CELF5: variants seen among roughly 807,000 people sequenced by gnomAD.
The protein encoded by CELF5 is CUG-BP and ETR-3 like factor 5.
A neutral mutation model predicts 54.9 loss-of-function variants in CELF5; 6 were observed. The ratio of observed to expected loss-of-function variants is 0.11; its 90% CI spans 0.06 to 0.22. The LOEUF is 0.22. Among genes scored for constraint, CELF5 ranks in the 10% least tolerant of loss-of-function variants. The pLI, the probability that CELF5 is intolerant of heterozygous loss-of-function variation, is 1.00. For missense variants in CELF5, 401 were observed against 678.6 expected, an observed-to-expected ratio of 0.59 and a Z score of 4.54; for synonymous variants, 271 against 290.9, an observed-to-expected ratio of 0.93 and a Z score of 0.70.
intron 2 of CELF5, among the ~76,000 whole-genome samples, chr19:3,251,612 A>G (rs1184747776): frequency 7.0e-6 from 1 of 142,102 alleles, no homozygotes; most frequent in Non-Finnish European, 1.5e-5. Context: ...GCTTGTCTTT[A>G]TGGTGCAAAC....
chr19:3,245,698 C>A (rs1206764967), intron 1 of CELF5, among the ~76,000 whole-genome samples: 1 of 151,950 alleles, frequency 6.6e-6, no homozygotes, highest in Non-Finnish European at 1.5e-5. Context: ...TAGTGTAGTT[C>A]TTTTGAAGAG....
At chr19:3,243,904 C>T (rs2079525852) in intron 1 of CELF5, among the ~76,000 whole-genome samples, 1 of 151,760 alleles carries the variant, frequency 6.6e-6, no homozygotes, top group African/African-American at 2.4e-5. Flanking sequence ...TATAAGGGCA[C>T]CAGTCTTATT....
At chr19:3,271,861 TG>T (rs201357938) in intron 2 of CELF5, among the ~76,000 whole-genome samples, 2,769 of 152,086 alleles carry the variant, frequency 0.018, 87 homozygotes, top group Admixed American at 0.081. Context: ...GGGGAGACTT[TG>T]GGGGTCCCAA....
chr19:3,290,656 C>T (rs2080329997), intron 11 of CELF5, among the ~76,000 whole-genome samples: 1 of 150,650 alleles, frequency 6.6e-6, no homozygotes. Flanking sequence ...CTCTGCGTCC[C>T]GGGTTCACGC....
intron 2 of CELF5, among the ~76,000 whole-genome samples, chr19:3,266,280 T>C (rs1379614748): frequency 6.6e-6 from 1 of 152,074 alleles, no homozygotes; most frequent in Non-Finnish European, 1.5e-5. Context: ...CAGGGAGAGC[T>C]GCTTCGACTC....
In CELF5 at chr19:3,224,798, G is replaced by C; in HGVS notation, c.59G>C (p.Arg20Pro). 1 of 1,506,460 alleles carries C rather than the reference G, an allele frequency of 6.6e-7. No homozygotes were observed. Among genetic ancestry groups the C allele is most frequent in the Non-Finnish European group, 8.9e-7 (1 of 1,128,274 alleles). The allele number at this position is 1,506,460 out of a possible 1,614,324, so 93.3% of individuals were successfully genotyped here. ...CAGCAGCAGCAGCTCCTGCAGCCGCGGCCCTCGCCCGTGGGCAGCAGCGGG... is the reference window on the plus strand; with the variant it reads ...CAGCAGCAGCAGCTCCTGCAGCCGCCGCCCTCGCCCGTGGGCAGCAGCGGG... Reference protein sequence around the residue: ...RRQQQQLLQPRPSPVGSSGPE... With the variant: ...RRQQQQLLQPPPSPVGSSGPE... The change falls in exon 1 of 13, where the codon CGG (arginine) becomes CCG (proline). Residue 20 changes from arginine to proline, a missense_variant. Physicochemically the swap from Arg to Pro is moderately radical, Grantham distance 103. Coordinates refer to ENST00000292672, the MANE Select transcript of CELF5 (RefSeq NM_021938.4).
chr19:3,250,799 G>A (rs1368926287), intron 1 of CELF5, among the ~76,000 whole-genome samples, 186 bp from the exon 2 acceptor site: 1 of 152,208 alleles, frequency 6.6e-6, no homozygotes, highest in East Asian at 1.9e-4. Flanking sequence ...TGCAGCCTGT[G>A]TCAGAATTTC....
At chr19:3,244,431 GGT>G (rs771205370) in intron 1 of CELF5, among the ~76,000 whole-genome samples, 58 of 150,706 alleles carry the variant, frequency 3.8e-4, no homozygotes, top group Admixed American at 6.0e-4. Flanking sequence ...TGTAGTGTGT[GGT>G]GTGTGCATGC....
Position 3,251,003 on chromosome 19 carries a change from A to C in CELF5, c.278A>C (p.Tyr93Ser). 6.2e-7 allele frequency: 1 copy of C among 1,613,508 alleles called. No homozygotes were observed. The part of the protein sequence containing the change: ...GMHKGCAFLT[Y>S]CARDSAIKAQ... The stretch of plus-strand genomic sequence containing the variant: ...CTTCCAGGCTGTGCCTTCCTCACCT[A>C]CTGTGCCAGGGATTCCGCCATCAAA... Residue 93 changes from tyrosine to serine, a missense_variant, in exon 2 of 13, where the codon TAC (tyrosine) becomes TCC (serine). Tyr to Ser is a moderately radical substitution (Grantham distance 144). This residue lies in a region of CELF5 where 66 missense variants were observed against 132.3 expected (regional missense o/e 0.50). Transcript: ENST00000292672.
In CELF5 at chr19:3,286,095, G is replaced by A; in HGVS notation, c.1186+70G>A. The A allele has an allele frequency of 3.0e-6, 4 of 1,340,514 alleles. No individual in the cohort carries two copies. The South Asian group carries it at 4.5e-5, about 15-fold the overall frequency. The allele number at this position is 1,340,514 out of a possible 1,614,324, so 83.0% of individuals were successfully genotyped here. A position where few individuals can be genotyped will look rare whatever the true frequency, so the allele number is the denominator to read the frequency against. On this transcript the variant is annotated intron_variant, in intron 10 of 12. Transcript: ENST00000292672. Reference sequence around the variant, plus strand: ...CCCGCCCTGTCCACCTGCAGGCTCCGTGTCTGGCCCGGGCCTCTGGGACCC... The same window carrying A: ...CCCGCCCTGTCCACCTGCAGGCTCCATGTCTGGCCCGGGCCTCTGGGACCC...
At chr19:3,254,566 C>T (rs72987058) in intron 2 of CELF5, among the ~76,000 whole-genome samples, 29,203 of 151,082 alleles carry the variant, frequency 0.19, 3,206 homozygotes, top group East Asian at 0.53. Context: ...TCCACCCATC[C>T]ACCCATCAAT....
intron 1 of CELF5, among the ~76,000 whole-genome samples, chr19:3,229,697 T>C (rs1381628952): frequency 1.3e-5 from 2 of 152,198 alleles, no homozygotes; most frequent in African/African-American, 2.4e-5. Flanking sequence ...GCTGTTGGCA[T>C]GGGGCCGGGC....
Position 3,244,930 on chromosome 19 carries a change from TGTGTGTG to T in CELF5, c.260-6040_260-6034del, listed in dbSNP as rs563666885. The stretch of plus-strand genomic sequence containing the variant: ...TGGTGTGTGCATACATCTGTACGTG[TGTGTGTG>T]GTGTGTGGTGTGTGCATGCATCTTG... On this transcript the variant is annotated intron_variant, in intron 1 of 12. Coordinates refer to ENST00000292672, the MANE Select transcript of CELF5 (RefSeq NM_021938.4). 6.2e-3 allele frequency among the ~76,000 whole-genome samples: 921 copies of T among 148,272 alleles called. 4 individuals carry two copies. Among genetic ancestry groups the T allele is most frequent in the African/African-American group, 0.022 (864 of 39,914 alleles).
chr19:3,272,962 A>AT (rs879495470), intron 2 of CELF5, among the ~76,000 whole-genome samples: 120 of 151,292 alleles, frequency 7.9e-4, no homozygotes, highest in Middle Eastern at 3.4e-3. Context: ...GCCAGTGAGA[A>AT]TTTTTTTTTC....
chr19:3,248,913 T>TC (rs2079608468), intron 1 of CELF5, among the ~76,000 whole-genome samples: 3 of 105,414 alleles, frequency 2.8e-5, no homozygotes, highest in African/African-American at 1.1e-4. Context: ...TTCCTTTCTT[T>TC]CTTTCTTTCT....
intron 5 of CELF5, among the ~76,000 whole-genome samples, chr19:3,280,570 C>T (rs1351386658): frequency 3.3e-5 from 5 of 152,128 alleles, no homozygotes; most frequent in Admixed American, 6.6e-5. Flanking sequence ...AGCGAAACTC[C>T]GTCTCAAAAC....
At chr19:3,262,761 G>T (rs2079822721) in intron 2 of CELF5, among the ~76,000 whole-genome samples, 1 of 151,774 alleles carries the variant, frequency 6.6e-6, no homozygotes, top group Non-Finnish European at 1.5e-5. Flanking sequence ...CCAACATGAT[G>T]AAATCCATCT....
chr19:3,291,828 C>A (rs2145320526), intron 11 of CELF5, among the ~76,000 whole-genome samples: 1 of 152,194 alleles, frequency 6.6e-6, no homozygotes, highest in East Asian at 1.9e-4. Flanking sequence ...GGAGGACTTC[C>A]TTGTACCCAA....
intron 1 of CELF5, among the ~76,000 whole-genome samples, chr19:3,227,309 C>A (rs955069511): frequency 6.6e-6 from 1 of 152,074 alleles, no homozygotes; most frequent in African/African-American, 2.4e-5. Flanking sequence ...CCTCTCTGGG[C>A]CTTGGCTGAA....
Sources: gnomAD v4.1 joint callset for allele counts (sites outside exome capture counted in the v4.1 genomes callset) on GRCh38, gnomAD v4.1.1 for gene constraint, gnomAD v4.1.1 regional missense constraint, MANE v1.5 for transcripts, NCBI Gene and HGNC (gene_info 2026-07-23, HGNC 2026-07-21) for gene names.